Variants in CHRM3 observed in about 807,000 individuals in gnomAD.
CHRM3 encodes muscarinic acetylcholine receptor M3.
Under a neutral mutation model 41.8 loss-of-function variants are expected in CHRM3, and 11 were observed. The observed-to-expected ratio is 0.26, with a 90% CI of 0.17 to 0.44. The LOEUF is 0.44. Among genes scored for constraint, CHRM3 ranks in the 20% least tolerant of loss-of-function variants. The pLI is 1.00. For synonymous variants in CHRM3, 297 were observed against 301.4 expected (o/e 0.99, Z 0.15); for missense variants, 571 against 745.4 (o/e 0.77, Z 2.72).
At chr1:239,861,684 G>A (rs922104599) in intron 6 of CHRM3, among the ~76,000 whole-genome samples, 1 of 152,124 alleles carries the variant, frequency 6.6e-6, no homozygotes, top group South Asian at 2.1e-4. Flanking sequence ...TTTTCGTAGA[G>A]TACTTCACTG....
chr1:239,689,084 G>T (rs1659458819), intron 5 of CHRM3, among the ~76,000 whole-genome samples: 1 of 151,360 alleles, frequency 6.6e-6, no homozygotes, highest in Admixed American at 6.6e-5. Flanking sequence ...AAAAATTAAA[G>T]ATGGTAATTA....
At chr1:239,834,148 T>TCACACACACACACACACA (rs34990180) in intron 6 of CHRM3, among the ~76,000 whole-genome samples, 8 of 135,232 alleles carry the variant, frequency 5.9e-5, no homozygotes, top group Non-Finnish European at 9.4e-5. Flanking sequence ...TAATTCCACA[T>TCACACACACACACACACA]CACACACACA....
intron 5 of CHRM3, chr1:239,704,566 T>G (rs912167855): frequency 6.6e-6 from 1 of 152,192 alleles, no homozygotes; most frequent in East Asian, 1.9e-4. Flanking sequence ...ATCCCTCTTA[T>G]GCAATTTAAG....
chr1:239,874,287 A>ATATATATATATATATCTATATACACAG, intron 6 of CHRM3, among the ~76,000 whole-genome samples: 1 of 63,900 alleles, frequency 1.6e-5, no homozygotes, highest in East Asian at 4.1e-4. Flanking sequence ...TATACACAGT[A>ATATATATATATATATCTATATACACAG]TATATATATA....
intron 3 of CHRM3, among the ~76,000 whole-genome samples, chr1:239,573,049 C>T (rs772117870): frequency 6.6e-6 from 1 of 152,164 alleles, no homozygotes; most frequent in Non-Finnish European, 1.5e-5. Flanking sequence ...GGGTTTGGCC[C>T]TACCCTAGTA....
intron 5 of CHRM3, among the ~76,000 whole-genome samples, chr1:239,789,329 T>C (rs977718524): frequency 6.6e-6 from 1 of 152,162 alleles, no homozygotes; most frequent in Non-Finnish European, 1.5e-5. Context: ...TTAAGCAGTC[T>C]CTGAACAATA....
chr1:239,724,489 A>T (rs1002181766), intron 5 of CHRM3, among the ~76,000 whole-genome samples: 3 of 151,932 alleles, frequency 2.0e-5, no homozygotes, highest in African/African-American at 7.2e-5. Flanking sequence ...AGTTTACTTA[A>T]CCTCACTCTA....
At chr1:239,520,173 C>T (rs1340950458) in intron 2 of CHRM3, among the ~76,000 whole-genome samples, 1 of 152,056 alleles carries the variant, frequency 6.6e-6, no homozygotes, top group Admixed American at 6.6e-5. Flanking sequence ...TTCTTATACC[C>T]AAGAAATACA....
rs1041329490 is a variant in CHRM3 at position 239,389,669 on chromosome 1, T to C, written c.-521+2442T>C. On this transcript the variant is annotated intron_variant, in intron 1 of 6. Coordinates refer to ENST00000676153, the MANE Select transcript of CHRM3 (RefSeq NM_001375978.1). ...TGAATAGACAGAAAGTTAAACGATA[T>C]GGTTAAAAGCAAAGTTGCCTTATGT... 2.6e-5 allele frequency among the ~76,000 whole-genome samples: 4 copies of C among 152,200 alleles called. No individual in the cohort carries two copies. The South Asian group carries it at 6.2e-4, about 24-fold the overall frequency.
chr1:239,422,009 A>T (rs1289383290), intron 1 of CHRM3, among the ~76,000 whole-genome samples: 3 of 152,350 alleles, frequency 2.0e-5, no homozygotes, highest in African/African-American at 7.2e-5. Flanking sequence ...ATAAAGCTAT[A>T]ACACAGATAA....
chr1:239,507,892 A>G (rs184257459), intron 2 of CHRM3, among the ~76,000 whole-genome samples: 2 of 152,334 alleles, frequency 1.3e-5, no homozygotes, highest in Non-Finnish European at 2.9e-5. Flanking sequence ...TGCTTATGAG[A>G]AAATCAGAGA....
intron 1 of CHRM3, among the ~76,000 whole-genome samples, chr1:239,487,165 G>A (rs904310320): frequency 6.6e-6 from 1 of 151,996 alleles, no homozygotes; most frequent in Admixed American, 6.6e-5. Context: ...AATAGATGGA[G>A]GAGAAGTCCC....
intron 1 of CHRM3, among the ~76,000 whole-genome samples, chr1:239,474,793 A>G (rs1271719219): frequency 1.3e-5 from 2 of 152,250 alleles, no homozygotes; most frequent in Admixed American, 1.3e-4. Flanking sequence ...TTTAAAACAA[A>G]CAAACTAACT....
intron 5 of CHRM3, among the ~76,000 whole-genome samples, chr1:239,761,507 T>G (rs2148656945): frequency 6.6e-6 from 1 of 152,330 alleles, no homozygotes; most frequent in East Asian, 1.9e-4. Flanking sequence ...TGTATTCCCC[T>G]AAAATGTTTT....
intron 1 of CHRM3, among the ~76,000 whole-genome samples, chr1:239,408,868 C>A (rs562773719): frequency 6.6e-6 from 1 of 151,858 alleles, no homozygotes; most frequent in Admixed American, 6.6e-5. Context: ...GCAGTCCTCC[C>A]GCTGCAGCCT....
chr1:239,856,010 G>A (rs996037329), intron 6 of CHRM3, among the ~76,000 whole-genome samples: 3 of 152,068 alleles, frequency 2.0e-5, no homozygotes, highest in African/African-American at 7.2e-5. Flanking sequence ...AATTTTGTAA[G>A]CTATTTAAAA....
At chr1:239,428,990 A>G (rs2103153030) in intron 1 of CHRM3, among the ~76,000 whole-genome samples, 2 of 152,212 alleles carry the variant, frequency 1.3e-5, no homozygotes, top group South Asian at 2.1e-4. Flanking sequence ...CATGTTTTTC[A>G]CTTTTAGAAA....
At chr1:239,454,925 A>G (rs61834712) in intron 1 of CHRM3, among the ~76,000 whole-genome samples, 4,818 of 152,188 alleles carry the variant, frequency 0.032, 102 homozygotes, top group South Asian at 0.055. Flanking sequence ...CTACTATGCT[A>G]CCAGTTGTAT....
At chr1:239,808,722 T>C (rs998208113) in intron 5 of CHRM3, among the ~76,000 whole-genome samples, 5 of 152,172 alleles carry the variant, frequency 3.3e-5, no homozygotes, top group Admixed American at 3.3e-4. Flanking sequence ...GTACTTTCTG[T>C]GATAGCCCTC....
Sources: gnomAD v4.1 joint callset for allele counts (sites outside exome capture counted in the v4.1 genomes callset) on GRCh38, gnomAD v4.1.1 for gene constraint, MANE v1.5 for transcripts, NCBI Gene and HGNC (gene_info 2026-07-23, HGNC 2026-07-21) for gene names.